WBP11: variants seen among roughly 807,000 people sequenced by gnomAD.
WBP11 encodes the protein WW domain binding protein 11.
In WBP11, 12 loss-of-function variants were observed where a neutral mutation model predicts 66.7. The ratio of observed to expected loss-of-function variants is 0.18; its 90% CI spans 0.12 to 0.29. The LOEUF (loss-of-function observed/expected upper bound fraction) is 0.29. Ranked by LOEUF, WBP11 falls within the 10% of genes least tolerant of loss-of-function variation. The probability of loss-of-function intolerance (pLI) is 1.00; values close to 1 mark genes in which losing one functional copy is unlikely to be tolerated. For missense variants in WBP11, 555 were observed against 818.3 expected (o/e 0.68, Z 3.93); for synonymous variants, 255 against 273.8 (o/e 0.93, Z 0.68).
chr12:14,788,800 T>G lies in WBP11; in HGVS notation c.1492+151A>C. 3 of 452,082 alleles carry G rather than the reference T, an allele frequency of 6.6e-6. 1 individual carries two copies. The South Asian group carries it at 2.2e-4, about 33-fold the overall frequency. The allele number at this position is 452,082 out of a possible 1,614,324, so 28.0% of individuals were successfully genotyped here. A position where few individuals can be genotyped will look rare whatever the true frequency, so the allele number is the denominator to read the frequency against. ...AAGTGCAAATACCCACTGGAAGAAC[T>G]GTACTTCAAGCCAGGTCAACGGCAA... On this transcript the variant is annotated intron_variant, in intron 11 of 11. Coordinates refer to ENST00000261167, the MANE Select transcript of WBP11 (RefSeq NM_016312.3).
intron 3 of WBP11, 26 bp from the exon 4 acceptor site, chr12:14,799,754 C>T (rs1212479353): frequency 1.9e-6 from 3 of 1,602,428 alleles, no homozygotes; most frequent in Non-Finnish European, 2.6e-6. Flanking sequence ...GGGCAGATGT[C>T]AAGAAGTCAG....
chr12:14,794,669 T>C lies in WBP11; in HGVS notation c.589A>G (p.Arg197Gly). Residue 197 changes from arginine (R) to glycine (G), a missense_variant, in exon 7 of 12, where the codon AGA becomes GGA. Physicochemically the swap from Arg to Gly is moderately radical, Grantham distance 125. Coordinates refer to ENST00000261167, the MANE Select transcript of WBP11 (RefSeq NM_016312.3). ...GHGVPRLPPG[R>G]KPPGPPPGPP... is the part of the protein sequence containing the mutation. ...CCAGGGGGAGGGCCAGGAGGTTTTC[T>C]GCCAGGGGGCAAACGTGGAACACCA... 6.2e-7 allele frequency: 1 copy of C among 1,612,352 alleles called. No individual in the cohort carries two copies. The highest frequency in any genetic ancestry group is 8.5e-7 in the Non-Finnish European group (1 of 1,179,104).
intron 9 of WBP11, 143 bp downstream of exon 9, chr12:14,791,026 T>C: frequency 1.2e-6 from 1 of 850,698 alleles, no homozygotes; most frequent in Non-Finnish European, 1.8e-6. Context: ...GCAGCCTATA[T>C]AATGGTTCCA....
intron 3 of WBP11, among the ~76,000 whole-genome samples, chr12:14,800,453 G>A (rs1011064490): frequency 1.3e-5 from 2 of 151,922 alleles, no homozygotes; most frequent in Non-Finnish European, 2.9e-5. Context: ...ATCCTCATCA[G>A]TAGACTTTAA....
rs983946005 is a variant in WBP11, at chr12:14,784,885, A to G, written c.*2180T>C. 3 of 152,218 alleles carry G rather than the reference A, an allele frequency of 2.0e-5. No individual in the cohort carries two copies. Among genetic ancestry groups the G allele is most frequent in the African/African-American group, 7.2e-5 (3 of 41,450 alleles). The allele number at this position is 152,218 out of a possible 1,614,324, so 9.4% of individuals were successfully genotyped here. A position where few individuals can be genotyped will look rare whatever the true frequency, so the allele number is the denominator to read the frequency against. ...TATGATCATAACAAGTGTACCCAGAATCAGAACTGCTAATTAATTCCCCTT... is the reference window on the plus strand; with the variant it reads ...TATGATCATAACAAGTGTACCCAGAGTCAGAACTGCTAATTAATTCCCCTT... On this transcript the variant is annotated 3_prime_UTR_variant, in exon 12 of 12. Transcript: ENST00000261167.
chr12:14,790,652 T>C lies in WBP11; in HGVS notation c.1113A>G (p.Gln371=). 6.2e-7 allele frequency: 1 copy of C among 1,614,174 alleles called. No homozygotes were observed. Among genetic ancestry groups the C allele is most frequent in the Non-Finnish European group, 8.5e-7 (1 of 1,180,020 alleles). ...AATGGGATTCCTCTTTATGCTGCTT[T>C]TGTGATTGCTTTTCTGCTTCAGAGT... ...SDDSEAEKQS[Q]KQHKEESHSD... is the part of the protein sequence containing the mutation. Residue 371 remains glutamine, a synonymous_variant, in exon 10 of 12, where the codon CAA becomes CAG. Transcript: ENST00000261167.
At position 14,796,255 on chromosome 12, in the gene WBP11, A is replaced by G. The variant is rs780650426; in HGVS notation, c.387+552T>C. On this transcript the variant is annotated intron_variant, in intron 5 of 11. Transcript: ENST00000261167. The surrounding 1 kb of genome is among the most constrained non-coding windows in gnomAD (Gnocchi z 4.5). ...GTATTCTATTGTATAAATATGCTACAGTTTAATTATCCATTATCCTATTAG... is the reference window on the plus strand; with the variant it reads ...GTATTCTATTGTATAAATATGCTACGGTTTAATTATCCATTATCCTATTAG... Among the ~76,000 whole-genome samples, 8 of 152,164 alleles carry G rather than the reference A, an allele frequency of 5.3e-5. No individual in the cohort carries two copies. The highest frequency in any genetic ancestry group is 1.2e-4 in the Non-Finnish European group (8 of 68,014).
At chr12:14,788,840 C>T (rs1396994395) in intron 11 of WBP11, 111 bp downstream of exon 11, 4 of 588,074 alleles carry the variant, frequency 6.8e-6, no homozygotes, top group Middle Eastern at 4.7e-4. Context: ...AAAACCACCA[C>T]TGACTGTAAG....
chr12:14,787,634 T>G, intron 11 of WBP11, 136 bp from the exon 12 acceptor site: 1 of 796,436 alleles, frequency 1.3e-6, no homozygotes. Flanking sequence ...GAATTCATAT[T>G]GGTTGCTATT....
Position 14,801,212 on chromosome 12 carries a change from C to T in WBP11, c.64+108G>A. ...CAAACCCTGAATATATAATTTATTC[C>T]TCCTATCACTGCTGGTCTTGTAATT... On this transcript the variant is annotated intron_variant, in intron 2 of 11. Transcript: ENST00000261167. 4 of 1,069,206 alleles carry T rather than the reference C, an allele frequency of 3.7e-6. No homozygotes were observed. In the South Asian group the frequency reaches 4.3e-5, roughly 11 times the overall value. 66.2% of individuals were successfully genotyped at this position (1,069,206 alleles called of 1,614,324 possible).
intron 8 of WBP11, among the ~76,000 whole-genome samples, chr12:14,793,064 G>C (rs1002654352): frequency 6.6e-6 from 1 of 151,926 alleles, no homozygotes; most frequent in African/African-American, 2.4e-5. Flanking sequence ...GACACAGCAG[G>C]AGAAAAATTT....
At chr12:14,795,500 C>T (rs2052325) in intron 5 of WBP11, among the ~76,000 whole-genome samples, 1 of 151,912 alleles carries the variant, frequency 6.6e-6, no homozygotes, top group Non-Finnish European at 1.5e-5. Flanking sequence ...GGGAGGCTGA[C>T]GCAGGTCGAT....
rs775971289 is a variant in WBP11 at position 14,793,854 on chromosome 12, G to C, written c.790C>G (p.Gln264Glu). 3 of 1,613,608 alleles carry C rather than the reference G, an allele frequency of 1.9e-6. No homozygotes were observed. Among genetic ancestry groups the C allele is most frequent in the Admixed American group, 1.7e-5 (1 of 59,968 alleles). ...TCAGTACTGTCATCATGCTTATCTTGATCCATGTCCTCAGGATAGCCATCA... is the reference window on the plus strand; with the variant it reads ...TCAGTACTGTCATCATGCTTATCTTCATCCATGTCCTCAGGATAGCCATCA... ...EDDGYPEDMDQDKHDDSTDDS... is the reference protein window; with the variant it reads ...EDDGYPEDMDEDKHDDSTDDS... The change falls in exon 8 of 12, where the codon CAA becomes GAA. Residue 264 changes from glutamine (Q) to glutamate (E), a missense_variant. By Grantham distance (29) the Gln-to-Glu change is conservative (BLOSUM62 2). Around this residue, in one of 6 missense-constraint regions of WBP11, gnomAD observed 220 missense variants for 268.2 expected, o/e 0.82. Transcript: ENST00000261167.
Position 14,795,084 on chromosome 12 carries a change from C to A in WBP11, c.408G>T (p.Val136=). The change falls in exon 6 of 12, where the codon GTG becomes GTT. Residue 136 remains valine, a synonymous_variant. Transcript: ENST00000261167. Reference sequence around the variant, plus strand: ...GCATATCTGGCAAAGGAATACTCTCCACTTCCACATGCTGAGCATTCTGAA... The same window carrying A: ...GCATATCTGGCAAAGGAATACTCTCAACTTCCACATGCTGAGCATTCTGAA... ...DAVKNAQHVE[V]ESIPLPDMPH... The A allele has an allele frequency of 6.2e-7, 1 of 1,611,344 alleles. No homozygotes were observed. The highest frequency in any genetic ancestry group is 1.1e-5 in the South Asian group (1 of 90,678).
In WBP11 at chr12:14,784,723, A is replaced by AG. The variant is rs1949732492; in HGVS notation, c.*2341dup. 1 of 152,172 alleles carries AG rather than the reference A, an allele frequency of 6.6e-6. No homozygotes were observed. The highest frequency in any genetic ancestry group is 1.5e-5 in the Non-Finnish European group (1 of 68,020). The allele number at this position is 152,172 out of a possible 1,614,324, so 9.4% of individuals were successfully genotyped here. A position where few individuals can be genotyped will look rare whatever the true frequency, so the allele number is the denominator to read the frequency against. On this transcript the variant is annotated 3_prime_UTR_variant, in exon 12 of 12. Coordinates refer to ENST00000261167, the MANE Select transcript of WBP11 (RefSeq NM_016312.3). ...ATTATTGTGGTGATCCTTAATTTAA[A>AG]GGGGCAACTGCTGTCCCTAAAGTGA...
intron 3 of WBP11, 152 bp from the exon 4 acceptor site, chr12:14,799,880 G>A (rs1488822030): frequency 4.7e-6 from 3 of 636,524 alleles, no homozygotes; most frequent in Non-Finnish European, 7.8e-6. Context: ...CCTTAAAAAT[G>A]TTTACACTTG....
At chr12:14,801,227 G>T (rs1019834275) in intron 2 of WBP11, 93 bp downstream of exon 2, 2 of 1,265,528 alleles carry the variant, frequency 1.6e-6, no homozygotes, top group Admixed American at 1.7e-5. Context: ...ATCACTGCTG[G>T]TCTTGTAATT....
intron 10 of WBP11, 79 bp from the exon 11 acceptor site, chr12:14,789,212 A>G: frequency 7.6e-7 from 1 of 1,308,016 alleles, no homozygotes; most frequent in Non-Finnish European, 1.0e-6. Context: ...TAACTCAAAT[A>G]TGGTTTGACT....
intron 2 of WBP11, 108 bp from the exon 3 acceptor site, chr12:14,800,891 C>G: frequency 2.1e-6 from 2 of 934,754 alleles, no homozygotes; most frequent in Non-Finnish European, 3.2e-6. Context: ...ACAGTATGCA[C>G]TGTAAAAGAG....
Sources: allele counts gnomAD v4.1 joint callset (sites outside exome capture counted in the v4.1 genomes callset), GRCh38; gene constraint gnomAD v4.1.1; regional missense constraint gnomAD v4.1.1; non-coding constraint Gnocchi (gnomAD v3.1); transcripts MANE v1.5; gene names NCBI Gene and HGNC (gene_info 2026-07-23, HGNC 2026-07-21).